Variants in CDH4 observed in about 807,000 individuals in gnomAD.
CDH4 encodes the protein cadherin-4.
A neutral mutation model predicts 86.0 loss-of-function variants in CDH4; 33 were observed. The ratio of observed to expected loss-of-function variants is 0.38; its 90% CI spans 0.29 to 0.51. The LOEUF (loss-of-function observed/expected upper bound fraction) is 0.51, where lower values mean the gene tolerates loss of function less well. Among genes scored for constraint, CDH4 ranks in the 20% least tolerant of loss-of-function variants. The pLI, the probability that CDH4 is intolerant of heterozygous loss-of-function variation, is 0.86. For synonymous variants in CDH4, 555 were observed against 549.4 expected (o/e 1.01, Z -0.14); for missense variants, 1,114 against 1,307.4 (o/e 0.85, Z 2.28).
At chr20:61,477,251 A>G (rs1201006678) in intron 2 of CDH4, among the ~76,000 whole-genome samples, 4 of 152,222 alleles carry the variant, frequency 2.6e-5, no homozygotes, top group African/African-American at 4.8e-5. Context: ...CCTATGGCCA[A>G]TGGGCAAATG....
intron 2 of CDH4, among the ~76,000 whole-genome samples, chr20:61,522,759 T>C (rs2145629458): frequency 6.6e-6 from 1 of 152,196 alleles, no homozygotes. Flanking sequence ...CCGCGGAAAG[T>C]TTAATTGACG....
intron 2 of CDH4, among the ~76,000 whole-genome samples, chr20:61,625,521 A>G (rs975087558): frequency 6.6e-6 from 1 of 152,212 alleles, no homozygotes; most frequent in African/African-American, 2.4e-5. Context: ...AGGGTCAGGA[A>G]TAACGATCAT....
intron 2 of CDH4, among the ~76,000 whole-genome samples, chr20:61,285,139 G>A (rs149710120): frequency 2.6e-5 from 4 of 152,182 alleles, no homozygotes; most frequent in Non-Finnish European, 5.9e-5. Flanking sequence ...GCCCCTGGCC[G>A]ACAGCCAAGG....
At chr20:61,508,376 C>A (rs531290065) in intron 2 of CDH4, among the ~76,000 whole-genome samples, 1 of 152,360 alleles carries the variant, frequency 6.6e-6, no homozygotes, top group South Asian at 2.1e-4. Context: ...TCTGTGCACA[C>A]TTTCAGCCAC....
intron 2 of CDH4, among the ~76,000 whole-genome samples, chr20:61,597,720 G>A (rs554538599): frequency 6.6e-6 from 1 of 152,206 alleles, no homozygotes; most frequent in African/African-American, 2.4e-5. Context: ...CGCCTTCAGC[G>A]ACTCTCACAG....
intron 2 of CDH4, among the ~76,000 whole-genome samples, chr20:61,672,929 G>T (rs2087406410): frequency 6.6e-6 from 1 of 152,082 alleles, no homozygotes; most frequent in Non-Finnish European, 1.5e-5. Flanking sequence ...TATCCAGTGG[G>T]TCCTAAATGC....
At chr20:61,472,007 C>G (rs1034872320) in intron 2 of CDH4, among the ~76,000 whole-genome samples, 1 of 152,070 alleles carries the variant, frequency 6.6e-6, no homozygotes, top group Non-Finnish European at 1.5e-5. Flanking sequence ...CTGTAAATAT[C>G]GATTAGGTCC....
chr20:61,596,953 T>A (rs2086561409), intron 2 of CDH4, among the ~76,000 whole-genome samples: 1 of 152,268 alleles, frequency 6.6e-6, no homozygotes, highest in African/African-American at 2.4e-5. Context: ...TATTGGCATG[T>A]AGTTATCAAA....
intron 7 of CDH4, among the ~76,000 whole-genome samples, chr20:61,884,542 C>T (rs1311299651): frequency 1.3e-5 from 2 of 151,948 alleles, no homozygotes; most frequent in African/African-American, 4.8e-5. Flanking sequence ...TGCCCCTGAG[C>T]AGGGGTGATC....
chr20:61,900,880 A>AT (rs1248282033), intron 8 of CDH4, among the ~76,000 whole-genome samples: 2 of 152,188 alleles, frequency 1.3e-5, no homozygotes, highest in East Asian at 1.9e-4. Context: ...ATATTCCCGG[A>AT]TATCAGTCCC....
intron 2 of CDH4, among the ~76,000 whole-genome samples, chr20:61,539,335 A>C (rs1246562204): frequency 1.3e-5 from 2 of 152,216 alleles, no homozygotes; most frequent in Admixed American, 1.3e-4. Context: ...TTGGGGGCTT[A>C]AACAACAGAG....
At chr20:61,353,416 G>A (rs1455396851) in intron 2 of CDH4, among the ~76,000 whole-genome samples, 4 of 152,032 alleles carry the variant, frequency 2.6e-5, no homozygotes, top group East Asian at 3.9e-4. Flanking sequence ...TAATGCCTGC[G>A]ACTTTGGCCT....
chr20:61,672,651 T>A (rs2087403343), intron 2 of CDH4, among the ~76,000 whole-genome samples: 1 of 151,962 alleles, frequency 6.6e-6, no homozygotes, highest in Non-Finnish European at 1.5e-5. Flanking sequence ...CTGAGCCGAG[T>A]CTCTGGGGTG....
intron 2 of CDH4, among the ~76,000 whole-genome samples, chr20:61,477,262 C>A (rs2085542697): frequency 6.6e-6 from 1 of 152,210 alleles, no homozygotes; most frequent in Admixed American, 6.5e-5. Flanking sequence ...TGGGCAAATG[C>A]AGTGCAAGGG....
chr20:61,444,617 G>C (rs1467463665), intron 2 of CDH4, among the ~76,000 whole-genome samples: 7 of 151,418 alleles, frequency 4.6e-5, no homozygotes, highest in Admixed American at 2.6e-4. Flanking sequence ...GTGTTTCTCT[G>C]TGTGTGTGTA....
At chr20:61,832,832 C>T (rs769118263) in intron 4 of CDH4, among the ~76,000 whole-genome samples, 4 of 152,200 alleles carry the variant, frequency 2.6e-5, no homozygotes, top group Non-Finnish European at 4.4e-5. Flanking sequence ...GTTAGGGAAG[C>T]ATCCGTTGTC....
intron 2 of CDH4, chr20:61,437,639 A>C (rs2085291817): frequency 6.6e-6 from 1 of 152,216 alleles, no homozygotes; most frequent in Non-Finnish European, 1.5e-5. Context: ...TCGGGTAATA[A>C]GGAAACGAGA....
rs762993449 is a variant in CDH4, at chr20:61,254,845, C to T, written c.77C>T (p.Thr26Ile). Residue 26 changes from threonine to isoleucine, a missense_variant, in exon 2 of 16, where the codon ACA (threonine) becomes ATA (isoleucine). By Grantham distance (89) the Thr-to-Ile change is moderately conservative (BLOSUM62 -1). This residue lies in a region of CDH4 where 221 missense variants were observed against 209.5 expected (regional missense o/e 1.05). Transcript: ENST00000614565. Reference protein sequence around the residue: ...GALRAHNEDLTTRETCKAGFS... With the variant: ...GALRAHNEDLITRETCKAGFS... ...TCTCAGGCCCATAATGAGGATCTTA[C>T]AACTAGAGAGACCTGCAAGGCTGGG... The T allele has an allele frequency of 3.7e-6, 6 of 1,607,780 alleles. No homozygotes were observed. The African/African-American group carries it at 6.7e-5, about 18-fold the overall frequency.
Position 61,544,788 on chromosome 20 carries a change from C to T in CDH4, c.170-198775C>T, listed in dbSNP as rs569354345. The stretch of plus-strand genomic sequence containing the variant: ...CCATGGACTGGAAGCCTGACTCCCC[C>T]GACAGCCCTCCCTGCCCCCGAGGAA... On this transcript the variant is annotated intron_variant, in intron 2 of 15. Transcript: ENST00000614565. This position sits in a 1 kb window ranked among gnomAD's most constrained non-coding sequence, Gnocchi z 6.5. Among the ~76,000 whole-genome samples, 29 of 152,212 alleles carry T rather than the reference C, an allele frequency of 1.9e-4. No individual in the cohort carries two copies. Among genetic ancestry groups the T allele is most frequent in the Non-Finnish European group, 3.5e-4 (24 of 68,024 alleles).
Sources: gnomAD v4.1 joint callset for allele counts (sites outside exome capture counted in the v4.1 genomes callset) on GRCh38, gnomAD v4.1.1 for gene constraint, gnomAD v4.1.1 regional missense constraint, Gnocchi (gnomAD v3.1) non-coding constraint, MANE v1.5 for transcripts, NCBI Gene and HGNC (gene_info 2026-07-23, HGNC 2026-07-21) for gene names.